The following SPTBN1 variants were observed in gnomAD, a reference collection of about 807,000 sequenced individuals.
SPTBN1 encodes the protein spectrin beta chain, non-erythrocytic 1.
In SPTBN1, 32 loss-of-function variants were observed where a neutral mutation model predicts 266.4. The ratio of observed to expected loss-of-function variants is 0.12; its 90% CI spans 0.09 to 0.16. SPTBN1 has a LOEUF of 0.16. SPTBN1 is among the 10% of genes least tolerant of loss of function. The probability of loss-of-function intolerance (pLI) is 1.00; values close to 1 mark genes in which losing one functional copy is unlikely to be tolerated. For synonymous variants in SPTBN1, 1,336 were observed against 1,162.2 expected (o/e 1.15, Z -3.04); for missense variants, 2,296 against 3,067.1 (o/e 0.75, Z 5.94).
At chr2:54,582,733 A>G (rs923995503) in intron 2 of SPTBN1, among the ~76,000 whole-genome samples, 11 of 152,256 alleles carry the variant, frequency 7.2e-5, no homozygotes, top group African/African-American at 2.6e-4. Context: ...CTGAGCATTA[A>G]GGCTTGAACC....
In SPTBN1 at chr2:54,628,034, T is replaced by C; in HGVS notation, c.1645-63T>C. The stretch of plus-strand genomic sequence containing the variant: ...TGCTGGCTCTCTGCTTGTCGAAAGA[T>C]GATGTGATGCTGAAGTCAAGGCTAT... On this transcript the variant is annotated intron_variant, in intron 12 of 35. Coordinates refer to ENST00000356805, the MANE Select transcript of SPTBN1 (RefSeq NM_003128.3). This position sits in a 1 kb window ranked among gnomAD's most constrained non-coding sequence, Gnocchi z 4.3. 1.3e-6 allele frequency: 2 copies of C among 1,533,972 alleles called. No homozygotes were observed. The highest frequency in any genetic ancestry group is 2.6e-5 in the South Asian group (2 of 77,860).
chr2:54,592,330 C>A (rs985472937), intron 2 of SPTBN1, among the ~76,000 whole-genome samples: 1 of 151,930 alleles, frequency 6.6e-6, no homozygotes, highest in East Asian at 1.9e-4. Flanking sequence ...TTTTTTTTAA[C>A]CATTAAGCAA....
intron 3 of SPTBN1, among the ~76,000 whole-genome samples, chr2:54,608,076 G>A (rs1357826907): frequency 6.6e-6 from 1 of 152,140 alleles, no homozygotes; most frequent in Non-Finnish European, 1.5e-5. Flanking sequence ...TACCTGGGTT[G>A]CTGCAGCCTG....
In SPTBN1 at chr2:54,646,514, C is replaced by CTCAGA; in HGVS notation, c.4866+41_4866+45dup. On this transcript the variant is annotated intron_variant, in intron 23 of 35. Transcript: ENST00000356805. This position sits in a 1 kb window ranked among gnomAD's most constrained non-coding sequence, Gnocchi z 4.4. ...GGAAGCATCCCTGTCCCAGGAGAGC[C>CTCAGA]TCAGATTCAAACCCTGGGCACACTT... is the stretch of plus-strand genomic sequence containing the variant. The CTCAGA allele has an allele frequency of 6.9e-7, 1 of 1,456,238 alleles. No homozygotes were observed. Among genetic ancestry groups the CTCAGA allele is most frequent in the Non-Finnish European group, 9.1e-7 (1 of 1,104,294 alleles). 90.2% of individuals were successfully genotyped at this position (1,456,238 alleles called of 1,614,324 possible). A position where few individuals can be genotyped will look rare whatever the true frequency, so the allele number is the denominator to read the frequency against.
chr2:54,639,442 A>G (rs1679379358), intron 18 of SPTBN1, among the ~76,000 whole-genome samples: 1 of 152,252 alleles, frequency 6.6e-6, no homozygotes, highest in Non-Finnish European at 1.5e-5. Context: ...TTAAAGGGCA[A>G]GTTAGTAAGA....
intron 1 of SPTBN1, among the ~76,000 whole-genome samples, chr2:54,523,043 G>C (rs1264710547): frequency 2.0e-5 from 3 of 152,160 alleles, no homozygotes; most frequent in Non-Finnish European, 4.4e-5. Context: ...AATCCTCCAA[G>C]TTTGAATTTT....
rs12105094 is a variant in SPTBN1, at chr2:54,645,730, G to A, written c.4495-198G>A. Among the ~76,000 whole-genome samples the A allele has an allele frequency of 7.9e-3, 1,207 of 152,274 alleles. 26 individuals carry two copies. Among genetic ancestry groups the A allele is most frequent in the African/African-American group, 0.028 (1,154 of 41,546 alleles). ...GGACTCACAGTGAGTTTGACCTTGAGGATGAGGTAGAGTTGGAAAGACTCT... is the reference window on the plus strand; with the variant it reads ...GGACTCACAGTGAGTTTGACCTTGAAGATGAGGTAGAGTTGGAAAGACTCT... On this transcript the variant is annotated intron_variant, in intron 21 of 35. Coordinates refer to ENST00000356805, the MANE Select transcript of SPTBN1 (RefSeq NM_003128.3). The surrounding 1 kb of genome is among the most constrained non-coding windows in gnomAD (Gnocchi z 4.3).
At chr2:54,597,561 T>C (rs1422191894) in intron 2 of SPTBN1, among the ~76,000 whole-genome samples, 1 of 152,230 alleles carries the variant, frequency 6.6e-6, no homozygotes, top group East Asian at 1.9e-4. Context: ...AGCCGCTGAC[T>C]GTAGCAGGTG....
In SPTBN1 at chr2:54,665,903, T is replaced by A. The variant is rs774342504; in HGVS notation, c.6660-12T>A. On this transcript the variant is annotated splice_polypyrimidine_tract_variant and intron_variant, in intron 33 of 35. Transcript: ENST00000356805. ...CTTTATCTCCCCCTGCCCTTTTTTT[T>A]AAACTGCACAGGTCCTGGCACAATG... is the stretch of plus-strand genomic sequence containing the variant. The A allele has an allele frequency of 1.1e-5, 18 of 1,598,694 alleles. No homozygotes were observed. The highest frequency in any genetic ancestry group is 1.7e-4 in the Middle Eastern group (1 of 6,002).
In SPTBN1 at chr2:54,664,640, T is replaced by C. The variant is rs1681258078; in HGVS notation, c.6608T>C (p.Phe2203Ser). 1 of 1,614,106 alleles carries C rather than the reference T, an allele frequency of 6.2e-7. No homozygotes were observed. Among genetic ancestry groups the C allele is most frequent in the Non-Finnish European group, 8.5e-7 (1 of 1,180,020 alleles). ...ACACCTTCGGCCCAGATGGAAGGCTTCCTCAATCGGAAACACGAGTGGGAG... is the reference window on the plus strand; with the variant it reads ...ACACCTTCGGCCCAGATGGAAGGCTCCCTCAATCGGAAACACGAGTGGGAG... Reference protein sequence around the residue: ...QETPSAQMEGFLNRKHEWEAH... With the variant: ...QETPSAQMEGSLNRKHEWEAH... The change falls in exon 33 of 36, where the codon TTC (phenylalanine) becomes TCC (serine). Residue 2203 changes from phenylalanine (F) to serine (S), a missense_variant. Physicochemically the swap from Phe to Ser is radical, Grantham distance 155. Coordinates refer to ENST00000356805, the MANE Select transcript of SPTBN1 (RefSeq NM_003128.3). This position sits in a 1 kb window ranked among gnomAD's most constrained non-coding sequence, Gnocchi z 5.6.
intron 2 of SPTBN1, chr2:54,528,784 AT>A: frequency 6.6e-6 from 1 of 152,298 alleles, no homozygotes; most frequent in Admixed American, 6.5e-5. Flanking sequence ...GATCTTTGGA[AT>A]TCTCAGGAAT....
rs559132673 is a variant in SPTBN1 at position 54,608,196 on chromosome 2, C to T, written c.301-3965C>T. Among the ~76,000 whole-genome samples, 13 of 152,314 alleles carry T rather than the reference C, an allele frequency of 8.5e-5. No homozygotes were observed. The South Asian group carries it at 2.5e-3, about 29-fold the overall frequency. ...GTGCTCAGAACTGGACCAAAAACCC[C>T]TGAGAATATAGAAGTATAAAGCCTC... On this transcript the variant is annotated intron_variant, in intron 3 of 35. Transcript: ENST00000356805.
At chr2:54,601,447 A>T (rs146749858) in intron 3 of SPTBN1, among the ~76,000 whole-genome samples, 2 of 152,292 alleles carry the variant, frequency 1.3e-5, no homozygotes, top group Admixed American at 1.3e-4. Flanking sequence ...CCAGGACCTC[A>T]AGTTAAAGAT....
intron 1 of SPTBN1, among the ~76,000 whole-genome samples, chr2:54,482,291 G>A (rs920475723): frequency 2.6e-5 from 4 of 151,250 alleles, no homozygotes; most frequent in Admixed American, 6.6e-5. Context: ...GAGGAGGGAG[G>A]ATCACTTGAG....
At position 54,540,125 on chromosome 2, in the gene SPTBN1, C is replaced by G. The variant is rs1452159186; in HGVS notation, c.148+13559C>G. Among the ~76,000 whole-genome samples the G allele has an allele frequency of 2.0e-5, 3 of 152,196 alleles. No homozygotes were observed. Among genetic ancestry groups the G allele is most frequent in the Non-Finnish European group, 2.9e-5 (2 of 68,036 alleles). On this transcript the variant is annotated intron_variant, in intron 2 of 35. Coordinates refer to ENST00000356805, the MANE Select transcript of SPTBN1 (RefSeq NM_003128.3). The surrounding 1 kb of genome is among the most constrained non-coding windows in gnomAD (Gnocchi z 5.6). ...CCCAACCATGCTGGCACCCTGACTT[C>G]CAGCCTCCAGAACTGTGAGAGAGAA...
Position 54,558,607 on chromosome 2 carries a change from G to A in SPTBN1, c.148+32041G>A, listed in dbSNP as rs1240632011. 2.1e-6 allele frequency: 3 copies of A among 1,416,636 alleles called. No individual in the cohort carries two copies. The highest frequency in any genetic ancestry group is 1.5e-5 in the African/African-American group (1 of 68,012). 87.8% of individuals were successfully genotyped at this position (1,416,636 alleles called of 1,614,324 possible). On this transcript the variant is annotated intron_variant, in intron 2 of 35. Coordinates refer to ENST00000356805, the MANE Select transcript of SPTBN1 (RefSeq NM_003128.3). The surrounding 1 kb of genome is among the most constrained non-coding windows in gnomAD (Gnocchi z 4.6). ...GGTAACTCCTCGCGGAGCTAAGGTGGACTCTCTTGCAGCCAACTTCCCATC... is the reference window on the plus strand; with the variant it reads ...GGTAACTCCTCGCGGAGCTAAGGTGAACTCTCTTGCAGCCAACTTCCCATC...
chr2:54,568,966 A>G (rs76903190), intron 2 of SPTBN1, among the ~76,000 whole-genome samples: 293 of 152,366 alleles, frequency 1.9e-3, no homozygotes, highest in Non-Finnish European at 3.1e-3. Flanking sequence ...GTCTAGTTTC[A>G]TGCACATCAA....
At chr2:54,544,988 C>T (rs552401770) in intron 2 of SPTBN1, among the ~76,000 whole-genome samples, 2 of 152,246 alleles carry the variant, frequency 1.3e-5, no homozygotes, top group East Asian at 1.9e-4. Flanking sequence ...CATGTGTTCT[C>T]ATTGTTCAAC....
At chr2:54,575,787 T>C (rs953509846) in intron 2 of SPTBN1, among the ~76,000 whole-genome samples, 2 of 152,232 alleles carry the variant, frequency 1.3e-5, no homozygotes, top group Non-Finnish European at 2.9e-5. Context: ...TTTGAATCTG[T>C]CCACAAACTT....
Sources: allele counts gnomAD v4.1 joint callset (sites outside exome capture counted in the v4.1 genomes callset), GRCh38; gene constraint gnomAD v4.1.1; non-coding constraint Gnocchi (gnomAD v3.1); transcripts MANE v1.5; gene names NCBI Gene and HGNC (gene_info 2026-07-23, HGNC 2026-07-21).